ALDH3B1: variants seen among roughly 807,000 people sequenced by gnomAD.
The protein encoded by ALDH3B1 is aldehyde dehydrogenase 3 family member B1, also known as aldehyde dehydrogenase family 3 member B1.
In ALDH3B1, 37 loss-of-function variants were observed where a neutral mutation model predicts 46.2. The ratio of observed to expected loss-of-function variants is 0.80; its 90% CI spans 0.62 to 1.05. The LOEUF (loss-of-function observed/expected upper bound fraction) is 1.05, where lower values mean the gene tolerates loss of function less well. Ranked by LOEUF, ALDH3B1 falls within the 50% of genes least tolerant of loss-of-function variation. The pLI is 0.00. For missense variants in ALDH3B1, 603 were observed against 665.5 expected (o/e 0.91, Z 1.03); for synonymous variants, 283 against 281.0 (o/e 1.01, Z -0.07).
intron 1 of ALDH3B1, among the ~76,000 whole-genome samples, chr11:68,013,812 G>A (rs542103475): frequency 6.6e-6 from 1 of 152,314 alleles, no homozygotes; most frequent in South Asian, 2.1e-4. Flanking sequence ...CTCCCGTGAC[G>A]AGCCATCCCC....
In ALDH3B1 at chr11:68,015,346, G is replaced by A. The variant is rs746359070; in HGVS notation, c.49G>A (p.Ala17Thr). 14 of 1,535,794 alleles carry A rather than the reference G, an allele frequency of 9.1e-6. No homozygotes were observed. Among genetic ancestry groups the A allele is most frequent in the African/African-American group, 4.1e-5 (3 of 72,888 alleles). The change falls in exon 2 of 10, where the codon GCG becomes ACG. Residue 17 changes from alanine to threonine, a missense_variant. Ala to Thr is a moderately conservative substitution (Grantham distance 58, BLOSUM62 0). Transcript: ENST00000342456. ...TLRRLREAFHAGRTRPAEFRA... is the reference protein window; with the variant it reads ...TLRRLREAFHTGRTRPAEFRA... ...GCGGCGACTGCGGGAGGCCTTCCAC[G>A]CGGGGCGCACGCGGCCAGCTGAGTT... is the stretch of plus-strand genomic sequence containing the variant.
At chr11:68,012,626 G>T (rs1159063824) in intron 1 of ALDH3B1, among the ~76,000 whole-genome samples, 1 of 152,210 alleles carries the variant, frequency 6.6e-6, no homozygotes. Flanking sequence ...GCAATAGTGA[G>T]GAGGGAGGCC....
chr11:68,027,710 C>A lies in ALDH3B1; in HGVS notation c.1217-39C>A, dbSNP rs549268172. On this transcript the variant is annotated intron_variant, in intron 9 of 9. Transcript: ENST00000342456. ...CCCCACTGTCTGTGACTAGGAGACC[C>A]CCAGCGCCTGACCACCTGTGTTCTG... is the stretch of plus-strand genomic sequence containing the variant. The A allele has an allele frequency of 3.9e-6, 6 of 1,545,930 alleles. No individual in the cohort carries two copies. The Admixed American group carries it at 1.2e-4, about 30-fold the overall frequency.
rs752363344 is a variant in ALDH3B1, at chr11:68,026,115, G to A, written c.1216+7G>A. The A allele has an allele frequency of 9.4e-6, 15 of 1,595,362 alleles. No homozygotes were observed. The South Asian group carries it at 1.0e-4, about 11-fold the overall frequency. On this transcript the variant is annotated splice_region_variant and intron_variant, in intron 9 of 9. Coordinates refer to ENST00000342456, the MANE Select transcript of ALDH3B1 (RefSeq NM_000694.4). ...CTGCCTTTTGGAGGAGTGGGTAGGT[G>A]CCTGCTACCCTGCCCTTCTGTTACC...
chr11:68,021,247 G>T (rs1857484520), intron 6 of ALDH3B1, among the ~76,000 whole-genome samples: 1 of 152,140 alleles, frequency 6.6e-6, no homozygotes, highest in African/African-American at 2.4e-5. Flanking sequence ...GGGGACCCTG[G>T]GGGCCGATAG....
At position 68,019,759 on chromosome 11, in the gene ALDH3B1, G is replaced by C. The variant is rs778270013; in HGVS notation, c.525G>C (p.Gln175His). Reference sequence around the variant, plus strand: ...TGGGCGGGCCCCAGGAGACGGGGCAGCTGCTAGAGCACAGGTTCGACTACA... The same window carrying C: ...TGGGCGGGCCCCAGGAGACGGGGCACCTGCTAGAGCACAGGTTCGACTACA... ...VVLGGPQETG[Q>H]LLEHRFDYIF... Residue 175 changes from glutamine (Q) to histidine (H), a missense_variant, in exon 6 of 10, where the codon CAG (glutamine) becomes CAC (histidine). Physicochemically the swap from Gln to His is conservative, Grantham distance 24. Coordinates refer to ENST00000342456, the MANE Select transcript of ALDH3B1 (RefSeq NM_000694.4). The C allele has an allele frequency of 6.2e-6, 10 of 1,614,188 alleles. No homozygotes were observed. In the South Asian group the frequency reaches 1.1e-4, roughly 18 times the overall value.
Position 68,014,493 on chromosome 11 carries a change from C to T in ALDH3B1, c.-1-804C>T, listed in dbSNP as rs552604768. Among the ~76,000 whole-genome samples the T allele has an allele frequency of 3.5e-4, 53 of 152,300 alleles. No homozygotes were observed. The South Asian group carries it at 9.1e-3, about 26-fold the overall frequency. On this transcript the variant is annotated intron_variant, in intron 1 of 9. Transcript: ENST00000342456. ...GAACTTCAAGTAAACAGGCAGGGCT[C>T]GGGGGAATGTCTAGGCCCCTACCCT...
intron 6 of ALDH3B1, 135 bp from the exon 7 acceptor site, chr11:68,021,350 G>A (rs778062388): frequency 2.0e-4 from 264 of 1,345,588 alleles, no homozygotes; most frequent in Middle Eastern, 5.3e-4. Flanking sequence ...TGGCAGTGAG[G>A]AACAAGGAAA....
intron 1 of ALDH3B1, among the ~76,000 whole-genome samples, chr11:68,014,588 C>G (rs763548358): frequency 5.3e-5 from 8 of 152,202 alleles, no homozygotes; most frequent in Non-Finnish European, 1.0e-4. Context: ...TCCTCTCCCC[C>G]ACAGCTGTTT....
chr11:68,019,319 G>GA, intron 5 of ALDH3B1, 64 bp downstream of exon 5: 1 of 1,423,818 alleles, frequency 7.0e-7, no homozygotes, highest in Non-Finnish European at 9.7e-7. Flanking sequence ...GGCAGCCCCT[G>GA]GCATGGAAGG....
upstream of ALDH3B1, among the ~76,000 whole-genome samples, chr11:68,009,566 C>T (rs1286548825): frequency 4.6e-5 from 7 of 152,330 alleles, no homozygotes; most frequent in Non-Finnish European, 7.3e-5. Context: ...GTGAAAGGGT[C>T]GTGATAAATC....
Position 68,026,103 on chromosome 11 carries a change from G to A in ALDH3B1, c.1211G>A (p.Gly404Glu). The change falls in exon 9 of 10, where the codon GGA becomes GAA. Residue 404 changes from glycine to glutamate, a missense_variant. Gly to Glu is a moderately conservative substitution (Grantham distance 98). Transcript: ENST00000342456. The stretch of plus-strand genomic sequence containing the variant: ...ACCCTGGCCAGCCTGCCTTTTGGAG[G>A]AGTGGGTAGGTGCCTGCTACCCTGC... The part of the protein sequence containing the change: ...HMTLASLPFG[G>E]VGASGMGRYH... 1 of 1,602,466 alleles carries A rather than the reference G, an allele frequency of 6.2e-7. No homozygotes were observed. Among genetic ancestry groups the A allele is most frequent in the Non-Finnish European group, 8.5e-7 (1 of 1,174,574 alleles).
chr11:68,010,265 C>T (rs1054472367), upstream of ALDH3B1: 1 of 152,282 alleles, frequency 6.6e-6, no homozygotes, highest in Non-Finnish European at 1.5e-5. Context: ...CAGAGTCAGG[C>T]ACGAGGCTAG....
In ALDH3B1 at chr11:68,017,789, G is replaced by A. The variant is rs1255123176; in HGVS notation, c.163-738G>A. 2.6e-5 allele frequency: 4 copies of A among 152,228 alleles called. No individual in the cohort carries two copies. The East Asian group carries it at 7.7e-4, about 29-fold the overall frequency. The allele number at this position is 152,228 out of a possible 1,614,324, so 9.4% of individuals were successfully genotyped here. On this transcript the variant is annotated intron_variant, in intron 2 of 9. Coordinates refer to ENST00000342456, the MANE Select transcript of ALDH3B1 (RefSeq NM_000694.4). ...CCTGCTCTTTGGGAGACTGAGGTGG[G>A]AGGATTGTTTGAGGCCAGGAGTTCA...
At chr11:68,014,625 A>G (rs1460330512) in intron 1 of ALDH3B1, among the ~76,000 whole-genome samples, 3 of 152,136 alleles carry the variant, frequency 2.0e-5, no homozygotes, top group African/African-American at 7.2e-5. Flanking sequence ...CAGCCCCGGC[A>G]GGGTGGGCAG....
chr11:68,025,217 T>C (rs963647069), intron 8 of ALDH3B1: 2 of 152,256 alleles, frequency 1.3e-5, no homozygotes, highest in Non-Finnish European at 2.9e-5. Context: ...TTCTGCTCCA[T>C]CTCCTCCATC....
At chr11:68,019,894 TCTC>T in intron 6 of ALDH3B1, 98 bp downstream of exon 6, 4 of 1,281,298 alleles carry the variant, frequency 3.1e-6, no homozygotes, top group South Asian at 1.3e-5. Context: ...GAGACTGAAT[TCTC>T]CTCTCTCTCT....
rs566786820 is a variant in ALDH3B1 at position 68,028,169 on chromosome 11, T to C, written c.*230T>C. On this transcript the variant is annotated 3_prime_UTR_variant, in exon 10 of 10. Transcript: ENST00000342456. ...CCGAGGTGGGAGGCATGGGAAACAG[T>C]GCAGTGACTCACCCCCTGCCCCCGC... The C allele has an allele frequency of 6.8e-4, 502 of 733,960 alleles. 3 individuals carry two copies. The highest frequency in any genetic ancestry group is 3.7e-3 in the South Asian group (256 of 70,060). 45.5% of individuals were successfully genotyped at this position (733,960 alleles called of 1,614,324 possible).
chr11:68,027,909 G>C lies in ALDH3B1; in HGVS notation c.1377G>C (p.Glu459Asp). The C allele has an allele frequency of 7.1e-6, 11 of 1,559,242 alleles. No homozygotes were observed. The highest frequency in any genetic ancestry group is 1.7e-4 in the Middle Eastern group (1 of 6,008). ...TGAGGATGCTGCTGGTGGCCATGGA[G>C]GCCCAAGGCTGCAGCTGCACACTGC... ...RRLRMLLVAMEAQGCSCTLL is the reference protein window; with the variant it reads ...RRLRMLLVAMDAQGCSCTLL The change falls in exon 10 of 10, where the codon GAG (glutamate) becomes GAC (aspartate). Residue 459 changes from glutamate (E) to aspartate (D), a missense_variant. Transcript: ENST00000342456.
Sources: allele counts gnomAD v4.1 joint callset (sites outside exome capture counted in the v4.1 genomes callset), GRCh38; gene constraint gnomAD v4.1.1; transcripts MANE v1.5; gene names NCBI Gene and HGNC (gene_info 2026-07-23, HGNC 2026-07-21).